AGBL1: variants seen among roughly 807,000 people sequenced by gnomAD.
The protein encoded by AGBL1 is cytosolic carboxypeptidase 4.
A neutral mutation model predicts 118.9 loss-of-function variants in AGBL1; 130 were observed. The observed-to-expected ratio is 1.09, with a 90% CI of 0.95 to 1.26. The LOEUF (loss-of-function observed/expected upper bound fraction) is 1.26, where lower values mean the gene tolerates loss of function less well. Ranked by LOEUF, AGBL1 falls within the 50% of genes most tolerant of loss-of-function variation. AGBL1 has a pLI of 0.00. For missense variants in AGBL1, 1,584 were observed against 1,298.1 expected, an observed-to-expected ratio of 1.22 and a Z score of -3.38; for synonymous variants, 555 against 478.9, an observed-to-expected ratio of 1.16 and a Z score of -2.08.
chr15:86,972,613 AC>A (rs2081120688), intron 23 of AGBL1, among the ~76,000 whole-genome samples: 1 of 152,054 alleles, frequency 6.6e-6, no homozygotes, highest in South Asian at 2.1e-4. Context: ...TTGGCCAGAT[AC>A]CATTAAATGT....
At chr15:86,563,843 A>G (rs542744235) in intron 21 of AGBL1, among the ~76,000 whole-genome samples, 3,434 of 152,258 alleles carry the variant, frequency 0.023, 66 homozygotes, top group Middle Eastern at 0.075. Context: ...TATTTAGGAT[A>G]GTTAGCTCTT....
intron 17 of AGBL1, among the ~76,000 whole-genome samples, chr15:86,307,100 A>C (rs1008265667): frequency 1.5e-4 from 23 of 151,866 alleles, no homozygotes; most frequent in African/African-American, 5.6e-4. Flanking sequence ...AAAAATCTTA[A>C]CTCTCTTGCC....
intron 5 of AGBL1, among the ~76,000 whole-genome samples, chr15:86,160,256 A>G (rs2077249155): frequency 6.6e-6 from 1 of 152,022 alleles, no homozygotes; most frequent in Non-Finnish European, 1.5e-5. Context: ...TAGTAGGTAA[A>G]AAACTTCAAA....
chr15:86,891,849 A>G (rs2080057023), intron 22 of AGBL1, among the ~76,000 whole-genome samples: 1 of 152,160 alleles, frequency 6.6e-6, no homozygotes, highest in Non-Finnish European at 1.5e-5. Flanking sequence ...TCTAAACAGA[A>G]GGAATGAGCA....
chr15:86,848,544 C>T (rs536952316), intron 22 of AGBL1, among the ~76,000 whole-genome samples: 32 of 152,184 alleles, frequency 2.1e-4, no homozygotes, highest in Non-Finnish European at 4.6e-4. Flanking sequence ...CTTTATAATA[C>T]ATGGTCCCAA....
chr15:86,773,069 T>C (rs1449237239), intron 22 of AGBL1, among the ~76,000 whole-genome samples: 4 of 152,082 alleles, frequency 2.6e-5, no homozygotes, highest in Non-Finnish European at 5.9e-5. Flanking sequence ...AAGGGTGCAC[T>C]TATGGGCCTT....
intron 22 of AGBL1, among the ~76,000 whole-genome samples, chr15:86,693,677 A>T (rs187301568): frequency 6.6e-6 from 1 of 152,130 alleles, no homozygotes; most frequent in Non-Finnish European, 1.5e-5. Context: ...GCCTAAGCCA[A>T]TGCCTAGAGG....
intron 5 of AGBL1, among the ~76,000 whole-genome samples, chr15:86,199,206 T>G (rs1168290924): frequency 6.6e-6 from 1 of 152,136 alleles, no homozygotes; most frequent in Non-Finnish European, 1.5e-5. Context: ...TTATAAAGGT[T>G]ATATAGATAG....
chr15:86,813,299 G>A (rs1256716383), intron 22 of AGBL1, among the ~76,000 whole-genome samples: 1 of 152,052 alleles, frequency 6.6e-6, no homozygotes, highest in Non-Finnish European at 1.5e-5. Context: ...GCTATTCCCA[G>A]TACACAGCAT....
chr15:86,744,785 T>C (rs2077730284), intron 22 of AGBL1, among the ~76,000 whole-genome samples: 1 of 152,206 alleles, frequency 6.6e-6, no homozygotes, highest in South Asian at 2.1e-4. Context: ...GTTGAGTTAA[T>C]ACATAGTTTT....
At chr15:86,364,472 G>A (rs532928023) in intron 17 of AGBL1, among the ~76,000 whole-genome samples, 13 of 152,136 alleles carry the variant, frequency 8.5e-5, no homozygotes, top group South Asian at 4.2e-4. Context: ...TCACCTACTC[G>A]TACCACATGA....
intron 17 of AGBL1, among the ~76,000 whole-genome samples, chr15:86,328,189 T>A (rs1475769568): frequency 6.6e-6 from 1 of 152,184 alleles, no homozygotes; most frequent in African/African-American, 2.4e-5. Flanking sequence ...CTCCTAAACA[T>A]GAGAGATCAA....
At chr15:86,453,107 G>C (rs1270998106) in intron 18 of AGBL1, among the ~76,000 whole-genome samples, 1 of 152,164 alleles carries the variant, frequency 6.6e-6, no homozygotes, top group East Asian at 1.9e-4. Flanking sequence ...AGTTCCATGA[G>C]GGTAGGGACT....
chr15:86,967,999 C>A (rs544991785), intron 23 of AGBL1, among the ~76,000 whole-genome samples: 1 of 152,152 alleles, frequency 6.6e-6, no homozygotes, highest in East Asian at 1.9e-4. Context: ...TCTTTGATTT[C>A]ATTGAGCAGT....
intron 18 of AGBL1, among the ~76,000 whole-genome samples, chr15:86,420,274 G>A (rs149721915): frequency 2.0e-5 from 3 of 152,248 alleles, no homozygotes; most frequent in Admixed American, 6.5e-5. Flanking sequence ...GAAGGAACAG[G>A]CAGCAATCTT....
intron 18 of AGBL1, among the ~76,000 whole-genome samples, chr15:86,508,923 T>C (rs1391941802): frequency 2.0e-5 from 3 of 152,182 alleles, no homozygotes; most frequent in Non-Finnish European, 4.4e-5. Context: ...TTTTGCTAAG[T>C]GCCTTAAGTG....
intron 18 of AGBL1, among the ~76,000 whole-genome samples, chr15:86,466,367 C>T (rs1418051447): frequency 6.6e-6 from 1 of 152,342 alleles, no homozygotes; most frequent in East Asian, 1.9e-4. Context: ...CTTCTCCAAA[C>T]TGGTTATTCT....
intron 22 of AGBL1, among the ~76,000 whole-genome samples, chr15:86,769,397 G>C (rs2078141148): frequency 6.6e-6 from 1 of 151,654 alleles, no homozygotes. Flanking sequence ...TCTTAATTTG[G>C]CTATAAATGC....
intron 22 of AGBL1, among the ~76,000 whole-genome samples, chr15:86,842,476 T>C (rs2079259177): frequency 6.6e-6 from 1 of 152,122 alleles, no homozygotes; most frequent in Admixed American, 6.5e-5. Flanking sequence ...TCTATTTCAG[T>C]GTAATTAAGA....
Sources: allele counts gnomAD v4.1 joint callset (sites outside exome capture counted in the v4.1 genomes callset), GRCh38; gene constraint gnomAD v4.1.1; transcripts MANE v1.5; gene names NCBI Gene and HGNC (gene_info 2026-07-23, HGNC 2026-07-21).